SAMMSON: variants seen among roughly 807,000 people sequenced by gnomAD.
SAMMSON encodes the protein long intergenic non-protein coding RNA 1212.
chr3:70,399,878 C>CA (rs1701125264), intron 2 of SAMMSON, among the ~76,000 whole-genome samples: 1 of 142,572 alleles, frequency 7.0e-6, no homozygotes, highest in Non-Finnish European at 1.5e-5. Flanking sequence ...AAAAAAAAAA[C>CA]AAAAAAACCC....
chr3:70,065,646 C>A (rs985572976), intron 3 of SAMMSON, among the ~76,000 whole-genome samples: 3 of 151,980 alleles, frequency 2.0e-5, no homozygotes, highest in Non-Finnish European at 2.9e-5. Context: ...CATATGGTAC[C>A]GTCTAGAGAC....
intron 4 of SAMMSON, among the ~76,000 whole-genome samples, chr3:70,095,434 G>A (rs1004556764): frequency 6.6e-6 from 1 of 152,154 alleles, no homozygotes; most frequent in African/African-American, 2.4e-5. Context: ...AGAGGGAGGT[G>A]CCTGACAGGC....
intron 3 of SAMMSON, chr3:70,025,102 G>A (rs1477976774): frequency 6.6e-6 from 1 of 152,164 alleles, no homozygotes; most frequent in East Asian, 1.9e-4. Context: ...GTGAACTCCA[G>A]AATGTTTGCC....
chr3:70,272,538 T>C (rs1477060352), intron 6 of SAMMSON, among the ~76,000 whole-genome samples: 1 of 152,248 alleles, frequency 6.6e-6, no homozygotes, highest in Non-Finnish European at 1.5e-5. Flanking sequence ...TGTTTTTAGG[T>C]AATATGAATA....
At chr3:70,269,882 A>C (rs6792331) in intron 6 of SAMMSON, among the ~76,000 whole-genome samples, 78,085 of 152,018 alleles carry the variant, frequency 0.51, 21,461 homozygotes, top group Non-Finnish European at 0.62. Context: ...AGTCAAATAT[A>C]AACTTAGAAA....
intron 4 of SAMMSON, among the ~76,000 whole-genome samples, chr3:70,192,453 G>T (rs1303270188): frequency 6.6e-6 from 1 of 152,148 alleles, no homozygotes; most frequent in Non-Finnish European, 1.5e-5. Context: ...CAGACAGGAA[G>T]GAAAATGCCA....
At chr3:70,427,465 C>T (rs1012481288) in intron 2 of SAMMSON, among the ~76,000 whole-genome samples, 1 of 152,072 alleles carries the variant, frequency 6.6e-6, no homozygotes, top group Non-Finnish European at 1.5e-5. Flanking sequence ...AAGGGCCGGG[C>T]GCGGTGGCTC....
At chr3:70,197,009 C>T (rs1701187966) in intron 4 of SAMMSON, 1 of 398,616 alleles carries the variant, frequency 2.5e-6, no homozygotes, top group East Asian at 3.6e-5. Context: ...AGGCTGCAGT[C>T]CATGTCACAA....
In SAMMSON at chr3:70,097,302, C is replaced by T. The variant is rs192605600; in HGVS notation, n.507+25737C>T. ...GATGGCACTCATGATTCTGTTTCTT[C>T]ACCATGAGGCCTACTGTTCTTTGAA... On this transcript the variant is annotated intron_variant and non_coding_transcript_variant, in intron 4 of 9. Coordinates refer to ENST00000642114, the Ensembl canonical transcript of SAMMSON. Among the ~76,000 whole-genome samples, 792 of 152,312 alleles carry T rather than the reference C, an allele frequency of 5.2e-3. 5 individuals are homozygous for T. Among genetic ancestry groups the T allele is most frequent in the African/African-American group, 0.018 (744 of 41,558 alleles).
chr3:70,110,234 C>T (rs949459951), intron 4 of SAMMSON, among the ~76,000 whole-genome samples: 3 of 152,160 alleles, frequency 2.0e-5, no homozygotes, highest in Non-Finnish European at 4.4e-5. Flanking sequence ...CTGTCTTTTT[C>T]GTATTTGATT....
chr3:70,195,953 A>G (rs993862761), intron 4 of SAMMSON, among the ~76,000 whole-genome samples: 1 of 152,362 alleles, frequency 6.6e-6, no homozygotes, highest in Admixed American at 6.5e-5. Context: ...CACTTTAATT[A>G]TCAGACAAAG....
rs75481473 is a variant in SAMMSON at position 70,294,415 on chromosome 3, C to G, written n.739+3172C>G. Among the ~76,000 whole-genome samples, 926 of 151,848 alleles carry G rather than the reference C, an allele frequency of 6.1e-3. 11 individuals carry two copies. The highest frequency in any genetic ancestry group is 0.021 in the African/African-American group (882 of 41,384). ...CTGCTGACAGACACTACTGTAGGTA[C>G]GTAGGAGAATATAGAAAGGAATAAG... is the stretch of plus-strand genomic sequence containing the variant. On this transcript the variant is annotated intron_variant and non_coding_transcript_variant, in intron 7 of 9. Transcript: ENST00000642114.
At chr3:70,221,860 T>C (rs1385983768) in intron 4 of SAMMSON, among the ~76,000 whole-genome samples, 1 of 152,178 alleles carries the variant, frequency 6.6e-6, no homozygotes, top group East Asian at 1.9e-4. Context: ...TGAGGTTTTG[T>C]CGTTACTTTC....
Position 70,336,814 on chromosome 3 carries a change from T to TTGTGTGTGTGTG in SAMMSON, n.740-17328_740-17317dup, listed in dbSNP as rs71126494. On this transcript the variant is annotated intron_variant and non_coding_transcript_variant, in intron 7 of 9. Coordinates refer to ENST00000642114, the Ensembl canonical transcript of SAMMSON. ...AGAAGAGTTAAACATAATAGAAAGTTTGTGTGTGTGTGTGTGTGTGTGTGT... is the reference window on the plus strand; with the variant it reads ...AGAAGAGTTAAACATAATAGAAAGTTTGTGTGTGTGTGTGTGTGTGTGTGTGTGTGTGTGTGT... Among the ~76,000 whole-genome samples the TTGTGTGTGTGTG allele has an allele frequency of 5.5e-3, 696 of 126,664 alleles. 2 individuals carry two copies. Among genetic ancestry groups the TTGTGTGTGTGTG allele is most frequent in the Non-Finnish European group, 8.3e-3 (502 of 60,264 alleles). 83.1% of individuals were successfully genotyped at this position (126,664 alleles called of 152,430 possible).
chr3:70,147,074 G>T (rs1009129524), intron 4 of SAMMSON, among the ~76,000 whole-genome samples: 2 of 151,916 alleles, frequency 1.3e-5, no homozygotes, highest in Non-Finnish European at 1.5e-5. Context: ...TATGATAGCT[G>T]CTGCAAAATG....
At chr3:70,030,044 T>G (rs1379261374) in intron 3 of SAMMSON, among the ~76,000 whole-genome samples, 1 of 152,184 alleles carries the variant, frequency 6.6e-6, no homozygotes, top group East Asian at 1.9e-4. Flanking sequence ...TCATACTCTG[T>G]GGAATATTTG....
In SAMMSON at chr3:70,318,617, G is replaced by T. The variant is rs1429308219; in HGVS notation, n.739+27374G>T. Among the ~76,000 whole-genome samples the T allele has an allele frequency of 4.0e-5, 6 of 151,884 alleles. No homozygotes were observed. In the South Asian group the frequency reaches 1.0e-3, roughly 26 times the overall value. Reference sequence around the variant, plus strand: ...ACTTTCTGGCAACTCCAACATCTGGGTCTTCTATTGACTGCTTGTTTTCTT... The same window carrying T: ...ACTTTCTGGCAACTCCAACATCTGGTTCTTCTATTGACTGCTTGTTTTCTT... On this transcript the variant is annotated intron_variant and non_coding_transcript_variant, in intron 7 of 9. Transcript: ENST00000642114.
At chr3:70,197,695 C>T (rs889778032) in intron 4 of SAMMSON, among the ~76,000 whole-genome samples, 1 of 152,218 alleles carries the variant, frequency 6.6e-6, no homozygotes, top group Non-Finnish European at 1.5e-5. Flanking sequence ...GCGAAAAGCA[C>T]ATTTCAAAAC....
At chr3:70,412,767 C>T (rs1701230176) in intron 2 of SAMMSON, among the ~76,000 whole-genome samples, 1 of 152,100 alleles carries the variant, frequency 6.6e-6, no homozygotes, top group Non-Finnish European at 1.5e-5. Flanking sequence ...GAATTGGTGA[C>T]ATCTTGAATA....
Sources: gnomAD v4.1 joint callset for allele counts (sites outside exome capture counted in the v4.1 genomes callset) on GRCh38, gnomAD v4.1.1 for gene constraint, MANE v1.5 for transcripts, NCBI Gene and HGNC (gene_info 2026-07-23, HGNC 2026-07-21) for gene names.